NUCB2: variants seen among roughly 807,000 people sequenced by gnomAD.
The protein encoded by NUCB2 is nucleobindin-2.
In NUCB2, 48 loss-of-function variants were observed where a neutral mutation model predicts 57.9. That is an observed-to-expected ratio of 0.83 (90% confidence interval 0.66 to 1.05). The LOEUF is 1.05. Among genes scored for constraint, NUCB2 ranks in the 50% least tolerant of loss-of-function variants. NUCB2 has a pLI of 0.00. For synonymous variants in NUCB2, 139 were observed against 152.1 expected (o/e 0.91, Z 0.64); for missense variants, 442 against 476.2 (o/e 0.93, Z 0.67).
At chr11:17,314,855 C>T (rs374378651) in intron 10 of NUCB2, among the ~76,000 whole-genome samples, 6 of 152,148 alleles carry the variant, frequency 3.9e-5, no homozygotes, top group Non-Finnish European at 5.9e-5. Flanking sequence ...ACCTTTGTAA[C>T]GAAATTTGCC....
At chr11:17,338,471 A>G (rs1951983984) in intron 2 of NUCB2, among the ~76,000 whole-genome samples, 1 of 152,180 alleles carries the variant, frequency 6.6e-6, no homozygotes, top group Non-Finnish European at 1.5e-5. Flanking sequence ...CTAATTGTTT[A>G]TAATCAATTG....
chr11:17,299,319 T>C (rs1171051478), intron 4 of NUCB2, among the ~76,000 whole-genome samples: 1 of 152,212 alleles, frequency 6.6e-6, no homozygotes, highest in Admixed American at 6.5e-5. Context: ...TCCCTGGTGA[T>C]GCTGATGCTT....
chr11:17,284,765 T>A (rs1943333922), intron 2 of NUCB2, among the ~76,000 whole-genome samples: 1 of 152,244 alleles, frequency 6.6e-6, no homozygotes, highest in Admixed American at 6.5e-5. Context: ...GTTTGGTGAA[T>A]ACCATTTTCA....
chr11:17,313,296 G>A (rs1050371133), intron 10 of NUCB2, among the ~76,000 whole-genome samples: 4 of 151,930 alleles, frequency 2.6e-5, no homozygotes, highest in East Asian at 1.9e-4. Flanking sequence ...TTGGGAGGCC[G>A]TGGCAGGTGG....
At chr11:17,301,026 G>T (rs1283918911) in intron 4 of NUCB2, among the ~76,000 whole-genome samples, 1 of 136,622 alleles carries the variant, frequency 7.3e-6, no homozygotes, top group African/African-American at 2.7e-5. Context: ...AGGCTGGAGT[G>T]CAATGGCATG....
At chr11:17,301,924 GC>G (rs1946820959) in intron 5 of NUCB2, 54 bp downstream of exon 5, 1 of 1,502,702 alleles carries the variant, frequency 6.7e-7, no homozygotes, top group Non-Finnish European at 9.1e-7. Context: ...TTTTGAAACA[GC>G]GTTTTACCCT....
chr11:17,330,148 T>G lies in NUCB2; in HGVS notation c.1024T>G (p.Phe342Val). The G allele has an allele frequency of 6.5e-7, 1 of 1,544,254 alleles. No homozygotes were observed. Among genetic ancestry groups the G allele is most frequent in the Non-Finnish European group, 8.9e-7 (1 of 1,128,144 alleles). The change falls in exon 12 of 14, where the codon TTC (phenylalanine) becomes GTC (valine). Residue 342 changes from phenylalanine to valine, a missense_variant. By Grantham distance (50) the Phe-to-Val change is conservative. Coordinates refer to ENST00000529010, the MANE Select transcript of NUCB2 (RefSeq NM_005013.4). This position sits in a 1 kb window ranked among gnomAD's most constrained non-coding sequence, Gnocchi z 4.3. ...TTAGACATTAGATCAGCAACAGTTC[T>G]TCACAGAGGAAGAACTAAAAGAATA... ...SWETLDQQQFFTEEELKEYEN... is the reference protein window; with the variant it reads ...SWETLDQQQFVTEEELKEYEN...
At chr11:17,348,801 A>G (rs1481645905) in intron 2 of NUCB2, among the ~76,000 whole-genome samples, 1 of 151,058 alleles carries the variant, frequency 6.6e-6, no homozygotes, top group Non-Finnish European at 1.5e-5. Flanking sequence ...TTTTTGAGAC[A>G]GAGTCTTACA....
chr11:17,309,722 T>G, intron 6 of NUCB2, 47 bp downstream of exon 6: 12 of 1,171,052 alleles, frequency 1.0e-5, no homozygotes, highest in Non-Finnish European at 1.5e-5. Context: ...CCTTTGAGGT[T>G]TTGTAATTTG....
chr11:17,330,322 G>T lies in NUCB2; in HGVS notation c.1173+25G>T. 1 of 1,560,386 alleles carries T rather than the reference G, an allele frequency of 6.4e-7. No homozygotes were observed. The highest frequency in any genetic ancestry group is 8.6e-7 in the Non-Finnish European group (1 of 1,156,716). ...GGTGGCATTTTGTCAAAAGATTATGGCATTAAAAAGATTTTAGGTGCTTTG... is the reference window on the plus strand; with the variant it reads ...GGTGGCATTTTGTCAAAAGATTATGTCATTAAAAAGATTTTAGGTGCTTTG... On this transcript the variant is annotated intron_variant, in intron 12 of 13. Coordinates refer to ENST00000529010, the MANE Select transcript of NUCB2 (RefSeq NM_005013.4). This position sits in a 1 kb window ranked among gnomAD's most constrained non-coding sequence, Gnocchi z 4.3.
intron 2 of NUCB2, among the ~76,000 whole-genome samples, chr11:17,345,112 G>T (rs10832770): frequency 6.6e-6 from 1 of 151,926 alleles, no homozygotes; most frequent in Admixed American, 6.6e-5. Context: ...GATGGAAAAT[G>T]TGTGTAAGCT....
Position 17,330,850 on chromosome 11 carries a change from C to T in NUCB2, c.1174-52C>T. On this transcript the variant is annotated intron_variant, in intron 12 of 13. Coordinates refer to ENST00000529010, the MANE Select transcript of NUCB2 (RefSeq NM_005013.4). This position sits in a 1 kb window ranked among gnomAD's most constrained non-coding sequence, Gnocchi z 4.3. ...TTGTTGTGCTTTGTCAAAGGTCACA[C>T]ATATGATAGAAAATCAAGTTATACT... 1 of 1,028,476 alleles carries T rather than the reference C, an allele frequency of 9.7e-7. No individual in the cohort carries two copies. The highest frequency in any genetic ancestry group is 2.4e-5 in the East Asian group (1 of 41,238). The allele number at this position is 1,028,476 out of a possible 1,614,324, so 63.7% of individuals were successfully genotyped here.
intron 2 of NUCB2, among the ~76,000 whole-genome samples, chr11:17,293,796 G>T (rs1945344653): frequency 6.6e-6 from 1 of 152,146 alleles, no homozygotes; most frequent in African/African-American, 2.4e-5. Flanking sequence ...GACACAAAAG[G>T]CTACATATTG....
chr11:17,280,318 C>G (rs1340939689), intron 1 of NUCB2, among the ~76,000 whole-genome samples: 1 of 152,130 alleles, frequency 6.6e-6, no homozygotes, highest in Non-Finnish European at 1.5e-5. Context: ...AACAGAGGCT[C>G]TAAGATCTAT....
At chr11:17,343,947 G>A (rs2139651609) in intron 2 of NUCB2, among the ~76,000 whole-genome samples, 1 of 152,224 alleles carries the variant, frequency 6.6e-6, no homozygotes, top group East Asian at 1.9e-4. Context: ...TTTCATTGAG[G>A]TTCAAGGTTG....
At chr11:17,311,375 T>A (rs1349966085) in intron 8 of NUCB2, 92 bp downstream of exon 8, 3 of 840,948 alleles carry the variant, frequency 3.6e-6, no homozygotes, top group Non-Finnish European at 5.6e-6. Context: ...GGTCTGCTAT[T>A]GAGTTCTAGT....
At chr11:17,334,920 C>A (rs1951683451), downstream of NUCB2, among the ~76,000 whole-genome samples, 1 of 150,738 alleles carries the variant, frequency 6.6e-6, no homozygotes, top group Non-Finnish European at 1.5e-5. Context: ...TAGCACCTCA[C>A]AAGTTTACAT....
chr11:17,342,627 G>C (rs1340263073), intron 2 of NUCB2, among the ~76,000 whole-genome samples: 1 of 150,498 alleles, frequency 6.6e-6, no homozygotes, highest in African/African-American at 2.5e-5. Context: ...GTGGTTTTGA[G>C]TGAGATTCTT....
intron 11 of NUCB2, among the ~76,000 whole-genome samples, chr11:17,316,095 C>T (rs1949208337): frequency 1.3e-5 from 2 of 152,084 alleles, no homozygotes; most frequent in South Asian, 4.2e-4. Flanking sequence ...CCTCAGCCTC[C>T]TGAGTAGCTG....
Sources: allele counts gnomAD v4.1 joint callset (sites outside exome capture counted in the v4.1 genomes callset), GRCh38; gene constraint gnomAD v4.1.1; non-coding constraint Gnocchi (gnomAD v3.1); transcripts MANE v1.5; gene names NCBI Gene and HGNC (gene_info 2026-07-23, HGNC 2026-07-21).